Variants in ZRANB3 observed in about 807,000 individuals in gnomAD.
ZRANB3 encodes the protein zinc finger RANBP2-type containing 3.
ZRANB3 carries 125 observed loss-of-function variants against 133.8 expected under a neutral mutation model. That is an observed-to-expected ratio of 0.93 (90% CI 0.81 to 1.08). The LOEUF is 1.08. Among genes scored for constraint, ZRANB3 ranks in the 50% least tolerant of loss-of-function variants. The pLI is 0.00. For missense variants in ZRANB3, 1,229 were observed against 1,275.5 expected (o/e 0.96, Z 0.56); for synonymous variants, 387 against 432.7 (o/e 0.89, Z 1.31).
intron 6 of ZRANB3, among the ~76,000 whole-genome samples, chr2:135,330,617 C>T (rs1025769873): frequency 1.3e-5 from 2 of 152,114 alleles, no homozygotes; most frequent in Admixed American, 1.3e-4. Context: ...GGAATAGTTT[C>T]AGAAGGAATG....
intron 12 of ZRANB3, among the ~76,000 whole-genome samples, chr2:135,245,296 C>T: frequency 6.6e-6 from 1 of 152,152 alleles, no homozygotes; most frequent in East Asian, 1.9e-4. Context: ...TGATTGTAGC[C>T]TCTGGGCAAT....
intron 5 of ZRANB3, among the ~76,000 whole-genome samples, 188 bp from the exon 6 acceptor site, chr2:135,345,823 T>C (rs1233920990): frequency 6.9e-6 from 1 of 145,210 alleles, no homozygotes; most frequent in East Asian, 1.9e-4. Context: ...TTTATACATC[T>C]TTCTATGTTG....
At chr2:135,347,699 T>C (rs953881794) in intron 5 of ZRANB3, among the ~76,000 whole-genome samples, 8 of 152,166 alleles carry the variant, frequency 5.3e-5, no homozygotes, top group African/African-American at 1.9e-4. Flanking sequence ...CCATTTAATA[T>C]GACAACATAT....
At chr2:135,235,428 C>T (rs929355747) in intron 12 of ZRANB3, among the ~76,000 whole-genome samples, 1 of 152,226 alleles carries the variant, frequency 6.6e-6, no homozygotes, top group African/African-American at 2.4e-5. Flanking sequence ...TCCTCCCTAA[C>T]TCACTTTATG....
At chr2:135,391,451 T>C (rs1477340800) in intron 2 of ZRANB3, among the ~76,000 whole-genome samples, 3 of 152,194 alleles carry the variant, frequency 2.0e-5, no homozygotes, top group East Asian at 1.9e-4. Context: ...AACCTTAAGA[T>C]TGGTCTTCCC....
rs1387331199 is a variant in ZRANB3, at chr2:135,261,365, A to G, written c.1539+4169T>C. On this transcript the variant is annotated intron_variant, in intron 12 of 20. Coordinates refer to ENST00000264159, the MANE Select transcript of ZRANB3 (RefSeq NM_032143.4). ...TGCATGAAGCTGGGAGGGTATAGAC[A>G]GAGTGGTGAGAGGGCACACCCACCT... 2.0e-5 allele frequency among the ~76,000 whole-genome samples: 3 copies of G among 152,054 alleles called. No homozygotes were observed. The East Asian group carries it at 5.8e-4, about 29-fold the overall frequency.
At chr2:135,450,715 C>G (rs1690229566) in intron 2 of ZRANB3, among the ~76,000 whole-genome samples, 1 of 152,114 alleles carries the variant, frequency 6.6e-6, no homozygotes. Flanking sequence ...CCTTGAAAGA[C>G]AGAAATCAAA....
chr2:135,400,625 A>G (rs1428324789), intron 2 of ZRANB3, among the ~76,000 whole-genome samples: 3 of 152,208 alleles, frequency 2.0e-5, no homozygotes, highest in Admixed American at 1.3e-4. Context: ...GCACTGTACC[A>G]GAAACTTTCT....
intron 12 of ZRANB3, among the ~76,000 whole-genome samples, chr2:135,234,356 C>A (rs1695188945): frequency 6.6e-6 from 1 of 152,044 alleles, no homozygotes; most frequent in African/African-American, 2.4e-5. Context: ...GAGACTTTAA[C>A]ACCCCACTGT....
Position 135,230,826 on chromosome 2 carries a change from C to A in ZRANB3, c.1641G>T (p.Glu547Asp). 1 of 1,613,276 alleles carries A rather than the reference C, an allele frequency of 6.2e-7. No homozygotes were observed. Among genetic ancestry groups the A allele is most frequent in the Non-Finnish European group, 8.5e-7 (1 of 1,179,708 alleles). Residue 547 changes from glutamate (E) to aspartate (D), a missense_variant, in exon 13 of 21, where the codon GAG becomes GAT. Physicochemically the swap from Glu to Asp is conservative, Grantham distance 45. Coordinates refer to ENST00000264159, the MANE Select transcript of ZRANB3 (RefSeq NM_032143.4). Reference protein sequence around the residue: ...TSCDESKRFREENTVVSSDPT... With the variant: ...TSCDESKRFRDENTVVSSDPT... ...GGTCTGATGACACTACAGTATTTTCCTCCCGGAATCTCTTTGATTCGTCAC... is the reference window on the plus strand; with the variant it reads ...GGTCTGATGACACTACAGTATTTTCATCCCGGAATCTCTTTGATTCGTCAC...
intron 2 of ZRANB3, among the ~76,000 whole-genome samples, chr2:135,406,911 C>T (rs1158451923): frequency 2.0e-5 from 3 of 152,118 alleles, no homozygotes; most frequent in African/African-American, 7.2e-5. Context: ...AAACATGGCA[C>T]AAGACAGGGA....
At position 135,476,970 on chromosome 2, in the gene ZRANB3, C is replaced by T. The variant is rs577690884; in HGVS notation, c.161+27359G>A. 4.6e-5 allele frequency among the ~76,000 whole-genome samples: 7 copies of T among 152,286 alleles called. 1 individual carries two copies. The South Asian group carries it at 1.4e-3, about 32-fold the overall frequency. ...TCCTGGGCTCAAGCTATCCTCCAAC[C>T]TTGGCCTCCCAAAGTGCTGGGATTA... On this transcript the variant is annotated intron_variant, in intron 2 of 20. Transcript: ENST00000264159.
chr2:135,474,403 C>T (rs1691410364), intron 2 of ZRANB3, among the ~76,000 whole-genome samples: 1 of 151,976 alleles, frequency 6.6e-6, no homozygotes, highest in African/African-American at 2.4e-5. Flanking sequence ...AAATGTGATC[C>T]CCAATGGTGG....
chr2:135,488,323 A>C (rs1692214119), intron 2 of ZRANB3, among the ~76,000 whole-genome samples: 1 of 152,222 alleles, frequency 6.6e-6, no homozygotes, highest in Admixed American at 6.5e-5. Context: ...AATTACTAAA[A>C]TATGACACAG....
chr2:135,265,596 C>A lies in ZRANB3; in HGVS notation c.1477G>T (p.Ala493Ser). The A allele has an allele frequency of 1.9e-6, 3 of 1,613,594 alleles. No homozygotes were observed. The highest frequency in any genetic ancestry group is 1.1e-5 in the South Asian group (1 of 90,958). The change falls in exon 12 of 21, where the codon GCT becomes TCT. Residue 493 changes from alanine to serine, a missense_variant. Physicochemically the swap from Ala to Ser is moderately conservative, Grantham distance 99 (BLOSUM62 1). Coordinates refer to ENST00000264159, the MANE Select transcript of ZRANB3 (RefSeq NM_032143.4). ...DKEKWDFLQF[A>S]EAWTPNDSSE... ...CTGTCATTTGGAGTCCAAGCTTCAG[C>A]AAACTGCAGGAAATCCCATTTTTCC...
At chr2:135,226,452 C>T (rs979848202) in intron 14 of ZRANB3, among the ~76,000 whole-genome samples, 3 of 152,094 alleles carry the variant, frequency 2.0e-5, no homozygotes, top group Non-Finnish European at 2.9e-5. Flanking sequence ...GTGAAGCATA[C>T]CTCTTATGTG....
In ZRANB3 at chr2:135,347,040, A is replaced by G. The variant is rs1358420306; in HGVS notation, c.592-1405T>C. On this transcript the variant is annotated intron_variant, in intron 5 of 20. Transcript: ENST00000264159. ...TTTCATATAAATAGAATTATACAAT[A>G]TGTAGCCTTTTGTATCTGGTTTATT... is the stretch of plus-strand genomic sequence containing the variant. 1.3e-5 allele frequency among the ~76,000 whole-genome samples: 2 copies of G among 152,196 alleles called. 1 individual carries two copies. The highest frequency in any genetic ancestry group is 3.8e-4 in the East Asian group (2 of 5,200).
At chr2:135,453,136 T>G (rs1221882879) in intron 2 of ZRANB3, among the ~76,000 whole-genome samples, 1 of 152,256 alleles carries the variant, frequency 6.6e-6, no homozygotes, top group East Asian at 1.9e-4. Flanking sequence ...CTGCCAAGGC[T>G]TGGGGCTTCC....
rs554562808 is a variant in ZRANB3, at chr2:135,243,374, C to T, written c.1540-12447G>A. Among the ~76,000 whole-genome samples the T allele has an allele frequency of 8.9e-4, 136 of 152,196 alleles. 1 individual carries two copies. Among genetic ancestry groups the T allele is most frequent in the Middle Eastern group, 3.4e-3 (1 of 294 alleles). Reference sequence around the variant, plus strand: ...ACTAAAAATACAAAAATTAGCCGTGCGTAGCGTTGGCGCCTGTAATCCCAG... The same window carrying T: ...ACTAAAAATACAAAAATTAGCCGTGTGTAGCGTTGGCGCCTGTAATCCCAG... On this transcript the variant is annotated intron_variant, in intron 12 of 20. Transcript: ENST00000264159.
Sources: gnomAD v4.1 joint callset for allele counts (sites outside exome capture counted in the v4.1 genomes callset) on GRCh38, gnomAD v4.1.1 for gene constraint, MANE v1.5 for transcripts, NCBI Gene and HGNC (gene_info 2026-07-23, HGNC 2026-07-21) for gene names.